Variants in FRYL observed in about 807,000 individuals in gnomAD.
FRYL encodes protein furry homolog-like.
In FRYL, 150 loss-of-function variants were observed where a neutral mutation model predicts 351.2. That is an observed-to-expected ratio of 0.43 (90% CI 0.37 to 0.49). FRYL has a LOEUF of 0.49. Among genes scored for constraint, FRYL ranks in the 20% least tolerant of loss-of-function variants. The pLI is 0.00. For synonymous variants in FRYL, 1,153 were observed against 1,257.1 expected (o/e 0.92, Z 1.75); for missense variants, 3,036 against 3,619.3 (o/e 0.84, Z 4.13).
Position 48,498,937 on chromosome 4 carries a change from T to C in FRYL, c.*485A>G, listed in dbSNP as rs1718966378. The C allele has an allele frequency of 5.7e-6, 1 of 175,482 alleles. No homozygotes were observed. The highest frequency in any genetic ancestry group is 1.2e-5 in the Non-Finnish European group (1 of 81,966). The allele number at this position is 175,482 out of a possible 1,614,324, so 10.9% of individuals were successfully genotyped here. On this transcript the variant is annotated 3_prime_UTR_variant, in exon 64 of 64. Coordinates refer to ENST00000358350, the MANE Select transcript of FRYL (RefSeq NM_015030.2). ...ACGAGTCTTGATGCGTATAGCTGAC[T>C]GCATGTTCATGTGGATGGATGATTA...
intron 3 of FRYL, chr4:48,681,142 A>G: frequency 5.9e-6 from 7 of 1,180,506 alleles, no homozygotes; most frequent in Non-Finnish European, 7.6e-6. Context: ...GTTCTTCTAC[A>G]TTACTAGGCC....
At chr4:48,646,127 C>T (rs1199530555) in intron 3 of FRYL, 2 of 152,088 alleles carry the variant, frequency 1.3e-5, no homozygotes, top group Non-Finnish European at 2.9e-5. Flanking sequence ...TTTGTTATAT[C>T]GTTACTATAT....
intron 59 of FRYL, chr4:48,505,891 AT>A (rs1720805680): frequency 3.1e-6 from 1 of 323,460 alleles, no homozygotes; most frequent in Non-Finnish European, 5.6e-6. Flanking sequence ...AGTAAAGGAT[AT>A]TCTTCATTTT....
chr4:48,562,836 G>T, intron 32 of FRYL, 53 bp downstream of exon 32: 1 of 979,326 alleles, frequency 1.0e-6, no homozygotes, highest in Non-Finnish European at 1.6e-6. Flanking sequence ...CTAAATTATT[G>T]GGCTTCATTA....
Position 48,603,252 on chromosome 4 carries a change from C to T in FRYL, c.933+38G>A, listed in dbSNP as rs529294773. The stretch of plus-strand genomic sequence containing the variant: ...TTCATAAATCAATTACTAAAAATCC[C>T]AATTAAATATGAAAAGGTTTGAAAT... On this transcript the variant is annotated intron_variant, in intron 12 of 63. Transcript: ENST00000358350. The T allele has an allele frequency of 7.9e-6, 10 of 1,265,800 alleles. No individual in the cohort carries two copies. The African/African-American group carries it at 1.1e-4, about 13-fold the overall frequency. 78.4% of individuals were successfully genotyped at this position (1,265,800 alleles called of 1,614,324 possible).
intron 7 of FRYL, among the ~76,000 whole-genome samples, chr4:48,614,138 A>C (rs554321682): frequency 8.5e-5 from 13 of 152,242 alleles, no homozygotes; most frequent in African/African-American, 2.9e-4. Context: ...TGTGATAAAA[A>C]ATACATAAGT....
chr4:48,604,911 T>C (rs1746457062), intron 11 of FRYL, among the ~76,000 whole-genome samples: 1 of 151,732 alleles, frequency 6.6e-6, no homozygotes, highest in Non-Finnish European at 1.5e-5. Context: ...ATCTCAGCCA[T>C]CTGGGAGAAA....
At chr4:48,737,366 G>T (rs1771565185) in intron 1 of FRYL, among the ~76,000 whole-genome samples, 1 of 151,760 alleles carries the variant, frequency 6.6e-6, no homozygotes, top group Non-Finnish European at 1.5e-5. Context: ...CTTTGCTCAT[G>T]AATTTGATAA....
At chr4:48,527,383 A>C in intron 53 of FRYL, 94 bp downstream of exon 53, 1 of 993,182 alleles carries the variant, frequency 1.0e-6, no homozygotes, top group South Asian at 2.1e-5. Flanking sequence ...TTTTGACCTT[A>C]CACTGACCTC....
intron 11 of FRYL, 95 bp from the exon 12 acceptor site, chr4:48,603,483 T>C (rs1322682044): frequency 2.4e-6 from 2 of 816,362 alleles, no homozygotes; most frequent in East Asian, 2.5e-5. Context: ...TTGAAATTGG[T>C]TAATAATTCA....
chr4:48,624,958 T>C (rs2149336278), intron 4 of FRYL, among the ~76,000 whole-genome samples: 1 of 152,228 alleles, frequency 6.6e-6, no homozygotes, highest in Middle Eastern at 3.4e-3. Context: ...GAAACATCGG[T>C]TCTTCTTGGG....
At chr4:48,531,497 G>A (rs1727616191) in intron 49 of FRYL, 144 bp from the exon 50 acceptor site, 1 of 630,396 alleles carries the variant, frequency 1.6e-6, no homozygotes, top group Admixed American at 3.0e-5. Context: ...TGAAAGGTTT[G>A]AGTTACAAAA....
At chr4:48,537,841 A>T (rs1729230457) in intron 47 of FRYL, among the ~76,000 whole-genome samples, 1 of 152,186 alleles carries the variant, frequency 6.6e-6, no homozygotes, top group Non-Finnish European at 1.5e-5. Context: ...GCAGGCAGTA[A>T]TCATTCAACA....
At chr4:48,750,746 G>A (rs1001943524) in intron 1 of FRYL, among the ~76,000 whole-genome samples, 1 of 152,156 alleles carries the variant, frequency 6.6e-6, no homozygotes, top group African/African-American at 2.4e-5. Flanking sequence ...TGGAGAGGGA[G>A]CTGGGGATCA....
rs1333048054 is a variant in FRYL at position 48,527,633 on chromosome 4, C to T, written c.7161G>A (p.Glu2387=). 15 of 1,606,930 alleles carry T rather than the reference C, an allele frequency of 9.3e-6. No individual in the cohort carries two copies. Among genetic ancestry groups the T allele is most frequent in the South Asian group, 1.1e-5 (1 of 90,332 alleles). ...TCTGTTGGTCACCGACTTCCAAATC[C>T]TCATTAGAAGAAAATACAACCTGAT... is the stretch of plus-strand genomic sequence containing the variant. ...KNPSVVFSSN[E]DLEVGDQQTS... The change falls in exon 53 of 64, where the codon GAG becomes GAA. Residue 2387 remains glutamate (E), a synonymous_variant. Coordinates refer to ENST00000358350, the MANE Select transcript of FRYL (RefSeq NM_015030.2).
At chr4:48,714,352 C>A in intron 1 of FRYL, among the ~76,000 whole-genome samples, 1 of 130,800 alleles carries the variant, frequency 7.6e-6, no homozygotes, top group Non-Finnish European at 1.7e-5. Context: ...TTGAAAGGAT[C>A]AACAAAATTG....
chr4:48,645,124 T>TATATATATATATATATA (rs1756133820), intron 3 of FRYL, among the ~76,000 whole-genome samples: 32 of 105,470 alleles, frequency 3.0e-4, no homozygotes, highest in Middle Eastern at 5.5e-3. Flanking sequence ...AGCTTTCATT[T>TATATATATATATATATA]TATATATATA....
chr4:48,706,328 T>C (rs1767342164), intron 2 of FRYL, among the ~76,000 whole-genome samples: 1 of 152,218 alleles, frequency 6.6e-6, no homozygotes, highest in Non-Finnish European at 1.5e-5. Flanking sequence ...AATGAAATTC[T>C]AACACGTACT....
intron 1 of FRYL, among the ~76,000 whole-genome samples, chr4:48,717,046 C>T (rs558894030): frequency 1.4e-5 from 2 of 145,388 alleles, no homozygotes; most frequent in South Asian, 4.3e-4. Flanking sequence ...ACCACATATT[C>T]TCACTCTTAG....
Sources: gnomAD v4.1 joint callset for allele counts (sites outside exome capture counted in the v4.1 genomes callset) on GRCh38, gnomAD v4.1.1 for gene constraint, MANE v1.5 for transcripts, NCBI Gene and HGNC (gene_info 2026-07-23, HGNC 2026-07-21) for gene names.